TRAF3IP1: variants seen among roughly 807,000 people sequenced by gnomAD.
TRAF3IP1 encodes intraflagellar transport 54, also known as TRAF3-interacting protein 1.
A neutral mutation model predicts 89.9 loss-of-function variants in TRAF3IP1; 53 were observed. The observed-to-expected ratio is 0.59, with a 90% CI of 0.47 to 0.74. The LOEUF (loss-of-function observed/expected upper bound fraction) is 0.74. TRAF3IP1 is among the 30% of genes least tolerant of loss of function. TRAF3IP1 has a pLI of 0.00. For synonymous variants in TRAF3IP1, 311 were observed against 322.1 expected (o/e 0.97, Z 0.37); for missense variants, 806 against 866.1 (o/e 0.93, Z 0.87).
At chr2:238,386,259 T>G (rs1257410719) in intron 15 of TRAF3IP1, among the ~76,000 whole-genome samples, 4 of 152,078 alleles carry the variant, frequency 2.6e-5, no homozygotes, top group Non-Finnish European at 5.9e-5. Flanking sequence ...GGTCTTAGAG[T>G]TACAGCAGGC....
intron 1 of TRAF3IP1, among the ~76,000 whole-genome samples, chr2:238,324,824 G>T (rs1031930512): frequency 6.6e-6 from 1 of 151,802 alleles, no homozygotes; most frequent in African/African-American, 2.4e-5. Flanking sequence ...GGATGGTCTC[G>T]ATCTTCTGAC....
At chr2:238,328,110 A>T (rs1697928539) in intron 3 of TRAF3IP1, among the ~76,000 whole-genome samples, 1 of 152,180 alleles carries the variant, frequency 6.6e-6, no homozygotes, top group African/African-American at 2.4e-5. Context: ...CCAGAAGGGG[A>T]ATTATTGGGT....
chr2:238,331,698 A>G (rs1698133715), intron 5 of TRAF3IP1, among the ~76,000 whole-genome samples: 1 of 152,080 alleles, frequency 6.6e-6, no homozygotes, highest in South Asian at 2.1e-4. Flanking sequence ...GGGCTTCTTC[A>G]TTGAGCCGCG....
intron 15 of TRAF3IP1, among the ~76,000 whole-genome samples, chr2:238,375,295 C>G (rs189473576): frequency 2.6e-5 from 4 of 152,216 alleles, no homozygotes; most frequent in Admixed American, 6.5e-5. Flanking sequence ...CTACACACTG[C>G]TTTAAATGTG....
chr2:238,368,681 T>C (rs945570055), intron 15 of TRAF3IP1, among the ~76,000 whole-genome samples: 2 of 152,182 alleles, frequency 1.3e-5, no homozygotes, highest in African/African-American at 4.8e-5. Context: ...ATTAATAATT[T>C]TTTTTTGAGA....
rs1177914019 is a variant in TRAF3IP1, at chr2:238,351,606, C to T, written c.1452-1221C>T. Among the ~76,000 whole-genome samples, 3 of 152,006 alleles carry T rather than the reference C, an allele frequency of 2.0e-5. No homozygotes were observed. Among genetic ancestry groups the T allele is most frequent in the East Asian group, 1.9e-4 (1 of 5,178 alleles). On this transcript the variant is annotated intron_variant, in intron 12 of 16. Coordinates refer to ENST00000373327, the MANE Select transcript of TRAF3IP1 (RefSeq NM_015650.4). This position sits in a 1 kb window ranked among gnomAD's most constrained non-coding sequence, Gnocchi z 5.2. Reference sequence around the variant, plus strand: ...GGCCACAGTGAGGGTGTGCTGGGAGCGTGAGAGACGAGGGACGGGAGCCTG... The same window carrying T: ...GGCCACAGTGAGGGTGTGCTGGGAGTGTGAGAGACGAGGGACGGGAGCCTG...
At position 238,338,361 on chromosome 2, in the gene TRAF3IP1, G is replaced by C. The variant is rs1437823788; in HGVS notation, c.1064-1G>C. 2.0e-6 allele frequency: 3 copies of C among 1,528,804 alleles called. No homozygotes were observed. Among genetic ancestry groups the C allele is most frequent in the Non-Finnish European group, 2.7e-6 (3 of 1,123,432 alleles). The allele number at this position is 1,528,804 out of a possible 1,614,324, so 94.7% of individuals were successfully genotyped here. On this transcript the variant is annotated splice_acceptor_variant, in intron 7 of 16. Coordinates refer to ENST00000373327, the MANE Select transcript of TRAF3IP1 (RefSeq NM_015650.4). LOFTEE classifies it high-confidence loss of function. ...ATCTGTTGTTAACTATTTTATGTCA[G>C]GAAGGAAGGAGGATAATATTTCAGC... is the stretch of plus-strand genomic sequence containing the variant.
chr2:238,355,418 T>C (rs537671255), intron 14 of TRAF3IP1, among the ~76,000 whole-genome samples: 2 of 152,288 alleles, frequency 1.3e-5, no homozygotes, highest in Non-Finnish European at 2.9e-5. Context: ...CTCTTTTTAA[T>C]TTGACAGCAG....
At chr2:238,353,353 G>T in intron 14 of TRAF3IP1, 144 bp downstream of exon 14, 1 of 822,938 alleles carries the variant, frequency 1.2e-6, no homozygotes. Context: ...CACACTGGTG[G>T]TACATAGGAC....
chr2:238,376,972 C>T (rs537364326), intron 15 of TRAF3IP1, among the ~76,000 whole-genome samples: 3 of 152,216 alleles, frequency 2.0e-5, no homozygotes, highest in South Asian at 2.1e-4. Flanking sequence ...GGTTAAGGAA[C>T]GTGTCCGGGG....
intron 15 of TRAF3IP1, among the ~76,000 whole-genome samples, chr2:238,372,983 G>GT (rs1008257228): frequency 6.6e-5 from 10 of 152,028 alleles, no homozygotes; most frequent in Admixed American, 1.3e-4. Context: ...GGGGTTGTTT[G>GT]TTTTTTTCTT....
chr2:238,356,294 C>T (rs746257352), intron 15 of TRAF3IP1, among the ~76,000 whole-genome samples: 7 of 152,162 alleles, frequency 4.6e-5, no homozygotes, highest in South Asian at 4.1e-4. Flanking sequence ...CCCAGGAGTT[C>T]GAGACCAGCC....
At chr2:238,342,455 A>G (rs1207883362) in intron 8 of TRAF3IP1, among the ~76,000 whole-genome samples, 2 of 152,134 alleles carry the variant, frequency 1.3e-5, no homozygotes, top group Non-Finnish European at 2.9e-5. Context: ...GGGTTTAGTA[A>G]AGCTTACATA....
chr2:238,374,453 G>A (rs1326615001), intron 15 of TRAF3IP1, among the ~76,000 whole-genome samples: 1 of 152,180 alleles, frequency 6.6e-6, no homozygotes, highest in Admixed American at 6.5e-5. Flanking sequence ...TGTTGAACCA[G>A]CCTTGCATCC....
At chr2:238,386,030 G>T (rs1254253049) in intron 15 of TRAF3IP1, among the ~76,000 whole-genome samples, 1 of 152,150 alleles carries the variant, frequency 6.6e-6, no homozygotes, top group Non-Finnish European at 1.5e-5. Context: ...TACAATTTGG[G>T]GTATACATGC....
chr2:238,328,576 T>G, intron 3 of TRAF3IP1, 110 bp from the exon 4 acceptor site: 1 of 1,266,488 alleles, frequency 7.9e-7, no homozygotes, highest in Non-Finnish European at 1.1e-6. Flanking sequence ...AATTTCATTG[T>G]AGACAGAGAA....
intron 11 of TRAF3IP1, 77 bp from the exon 12 acceptor site, chr2:238,349,248 A>C: frequency 7.3e-7 from 1 of 1,361,678 alleles, no homozygotes; most frequent in Non-Finnish European, 1.0e-6. Context: ...GTTAACATTC[A>C]CCTGGGCTTT....
chr2:238,325,365 T>C lies in TRAF3IP1; in HGVS notation c.183T>C (p.Asp61=), dbSNP rs1697771199. 6.2e-7 allele frequency: 1 copy of C among 1,614,058 alleles called. No individual in the cohort carries two copies. The highest frequency in any genetic ancestry group is 1.3e-5 in the African/African-American group (1 of 74,926). ...GLYTDAEMKS[D]NVKDKDAKIS... is the part of the protein sequence containing the mutation. Reference sequence around the variant, plus strand: ...ACACAGACGCCGAGATGAAGTCTGATAATGTGAAGGTGGGTTTGAGTCGGG... The same window carrying C: ...ACACAGACGCCGAGATGAAGTCTGACAATGTGAAGGTGGGTTTGAGTCGGG... The change falls in exon 2 of 17, where the codon GAT becomes GAC. Residue 61 remains aspartate, a synonymous_variant. Coordinates refer to ENST00000373327, the MANE Select transcript of TRAF3IP1 (RefSeq NM_015650.4).
intron 10 of TRAF3IP1, among the ~76,000 whole-genome samples, chr2:238,348,516 G>A (rs1699003179): frequency 6.6e-6 from 1 of 152,248 alleles, no homozygotes; most frequent in Admixed American, 6.5e-5. Context: ...TATTTCTGAA[G>A]TAGTTGAACC....
Sources: allele counts gnomAD v4.1 joint callset (sites outside exome capture counted in the v4.1 genomes callset), GRCh38; gene constraint gnomAD v4.1.1; non-coding constraint Gnocchi (gnomAD v3.1); transcripts MANE v1.5; gene names NCBI Gene and HGNC (gene_info 2026-07-23, HGNC 2026-07-21).